AAK1: variants seen among roughly 807,000 people sequenced by gnomAD.
The protein encoded by AAK1 is AP2 associated kinase 1, also known as AP2-associated protein kinase 1.
In AAK1, 37 loss-of-function variants were observed where a neutral mutation model predicts 116.0. That is an observed-to-expected ratio of 0.32 (90% CI 0.25 to 0.42). AAK1 has a LOEUF of 0.42. Among genes scored for constraint, AAK1 ranks in the 10% least tolerant of loss-of-function variants. The pLI is 1.00. For missense variants in AAK1, 919 were observed against 1,170.6 expected (o/e 0.79, Z 3.14); for synonymous variants, 458 against 439.9 (o/e 1.04, Z -0.51).
At chr2:69,605,836 G>C (rs898029481) in intron 2 of AAK1, among the ~76,000 whole-genome samples, 2 of 151,854 alleles carry the variant, frequency 1.3e-5, no homozygotes, top group Admixed American at 6.6e-5. Context: ...CTAATTCCTG[G>C]TAACCACTAA....
chr2:69,538,278 A>G (rs1670560909), intron 5 of AAK1, among the ~76,000 whole-genome samples: 1 of 152,208 alleles, frequency 6.6e-6, no homozygotes, highest in African/African-American at 2.4e-5. Context: ...ACCTCACTCT[A>G]GCCTTTCATT....
At chr2:69,551,274 A>C (rs142671669) in intron 3 of AAK1, among the ~76,000 whole-genome samples, 241 of 152,274 alleles carry the variant, frequency 1.6e-3, no homozygotes, top group African/African-American at 5.6e-3. Flanking sequence ...ATCAGGAAGA[A>C]TAGCTAATGG....
At chr2:69,545,665 C>A (rs1670893527) in intron 3 of AAK1, among the ~76,000 whole-genome samples, 1 of 152,180 alleles carries the variant, frequency 6.6e-6, no homozygotes, top group South Asian at 2.1e-4. Context: ...AAAGTTAAAA[C>A]TCATTAGAGT....
intron 20 of AAK1, among the ~76,000 whole-genome samples, chr2:69,477,522 G>A (rs1433448376): frequency 2.0e-5 from 3 of 150,784 alleles, no homozygotes; most frequent in Non-Finnish European, 4.5e-5. Flanking sequence ...AGAAGCCTCA[G>A]GGAACGCTGA....
Position 69,489,215 on chromosome 2 carries a change from C to T in AAK1, c.2366-6403G>A, listed in dbSNP as rs570430827. 2.0e-3 allele frequency among the ~76,000 whole-genome samples: 301 copies of T among 151,604 alleles called. 1 individual carries two copies. Among genetic ancestry groups the T allele is most frequent in the Middle Eastern group, 3.4e-3 (1 of 294 alleles). On this transcript the variant is annotated intron_variant, in intron 17 of 21. Transcript: ENST00000409085. Reference sequence around the variant, plus strand: ...CCTGTAATCCCAGCACTTTGGGAAGCTGAGGCGGGTGGATCACCTGAGGTC... The same window carrying T: ...CCTGTAATCCCAGCACTTTGGGAAGTTGAGGCGGGTGGATCACCTGAGGTC...
At chr2:69,512,796 G>A (rs1676441102) in intron 13 of AAK1, among the ~76,000 whole-genome samples, 1 of 152,232 alleles carries the variant, frequency 6.6e-6, no homozygotes, top group Non-Finnish European at 1.5e-5. Context: ...TCATTCCCAA[G>A]GGAGTAGACA....
At chr2:69,601,231 C>A (rs1673564827) in intron 2 of AAK1, among the ~76,000 whole-genome samples, 1 of 152,176 alleles carries the variant, frequency 6.6e-6, no homozygotes, top group African/African-American at 2.4e-5. Flanking sequence ...TTTAATATTT[C>A]TTCATATGAC....
intron 2 of AAK1, among the ~76,000 whole-genome samples, chr2:69,602,670 A>G (rs1405829863): frequency 6.6e-6 from 1 of 152,208 alleles, no homozygotes; most frequent in East Asian, 1.9e-4. Flanking sequence ...GCTCCTGACC[A>G]CAGAGACTCA....
chr2:69,625,303 G>A (rs1281633810), intron 2 of AAK1, among the ~76,000 whole-genome samples: 3 of 152,164 alleles, frequency 2.0e-5, no homozygotes, highest in Non-Finnish European at 4.4e-5. Context: ...AAGAAGGACA[G>A]CTAACAGTCT....
At position 69,472,792 on chromosome 2, in the gene AAK1, G is replaced by T; in HGVS notation, c.*3077C>A. 1.0e-6 allele frequency: 1 copy of T among 981,562 alleles called. No homozygotes were observed. The allele number at this position is 981,562 out of a possible 1,614,324, so 60.8% of individuals were successfully genotyped here. ...AGATGCCTGATTATACATTTAAAAA[G>T]AAATCTTCTGATACCATTTTATTAG... is the stretch of plus-strand genomic sequence containing the variant. On this transcript the variant is annotated 3_prime_UTR_variant, in exon 22 of 22. Coordinates refer to ENST00000409085, the MANE Select transcript of AAK1 (RefSeq NM_014911.5).
At chr2:69,634,857 G>A (rs1012893056) in intron 2 of AAK1, among the ~76,000 whole-genome samples, 4 of 151,896 alleles carry the variant, frequency 2.6e-5, no homozygotes, top group African/African-American at 9.7e-5. Context: ...AATATTTTTG[G>A]TCTTTTTTTG....
In AAK1 at chr2:69,471,816, C is replaced by T. The variant is rs1375616736; in HGVS notation, c.*4053G>A. ...CAGCACTGCTGAAGGCAGAACTGTT[C>T]CTAACCTGGGGAAGGTTATATTGGT... On this transcript the variant is annotated 3_prime_UTR_variant, in exon 22 of 22. Transcript: ENST00000409085. 1 of 985,318 alleles carries T rather than the reference C, an allele frequency of 1.0e-6. No individual in the cohort carries two copies. Among genetic ancestry groups the T allele is most frequent in the Non-Finnish European group, 1.2e-6 (1 of 829,950 alleles). The allele number at this position is 985,318 out of a possible 1,614,324, so 61.0% of individuals were successfully genotyped here. A position where few individuals can be genotyped will look rare whatever the true frequency, so the allele number is the denominator to read the frequency against.
At chr2:69,564,818 G>A (rs988114402) in intron 2 of AAK1, among the ~76,000 whole-genome samples, 1 of 152,120 alleles carries the variant, frequency 6.6e-6, no homozygotes, top group African/African-American at 2.4e-5. Flanking sequence ...AATCAGGACT[G>A]TGCACCAACT....
intron 2 of AAK1, among the ~76,000 whole-genome samples, chr2:69,604,628 A>T (rs1673718788): frequency 6.6e-6 from 1 of 152,196 alleles, no homozygotes; most frequent in Non-Finnish European, 1.5e-5. Flanking sequence ...GGGATTTCAC[A>T]GGATGGAGAA....
rs181246922 is a variant in AAK1, at chr2:69,483,742, T to C, written c.2366-930A>G. On this transcript the variant is annotated intron_variant, in intron 17 of 21. Coordinates refer to ENST00000409085, the MANE Select transcript of AAK1 (RefSeq NM_014911.5). Reference sequence around the variant, plus strand: ...ACATGCTGGCAGTCATATTATTCTATGGTCAAATATCACAAAATTCACTTA... The same window carrying C: ...ACATGCTGGCAGTCATATTATTCTACGGTCAAATATCACAAAATTCACTTA... Among the ~76,000 whole-genome samples, 725 of 152,292 alleles carry C rather than the reference T, an allele frequency of 4.8e-3. 10 individuals are homozygous for C. The highest frequency in any genetic ancestry group is 0.012 in the Admixed American group (187 of 15,294).
chr2:69,513,187 A>C (rs549464869), intron 13 of AAK1, among the ~76,000 whole-genome samples: 1 of 152,342 alleles, frequency 6.6e-6, no homozygotes, highest in Non-Finnish European at 1.5e-5. Context: ...ACGAAGGTGT[A>C]AAGACACTAA....
At position 69,473,586 on chromosome 2, in the gene AAK1, G is replaced by A. The variant is rs932575241; in HGVS notation, c.*2283C>T. ...AACTGCCTCCATTAAGCTTTACTGA[G>A]CCAAATGACTAGATAATATATTTCA... On this transcript the variant is annotated 3_prime_UTR_variant, in exon 22 of 22. Coordinates refer to ENST00000409085, the MANE Select transcript of AAK1 (RefSeq NM_014911.5). 1 of 985,104 alleles carries A rather than the reference G, an allele frequency of 1.0e-6. No individual in the cohort carries two copies. The highest frequency in any genetic ancestry group is 1.7e-5 in the African/African-American group (1 of 57,144). 61.0% of individuals were successfully genotyped at this position (985,104 alleles called of 1,614,324 possible). A position where few individuals can be genotyped will look rare whatever the true frequency, so the allele number is the denominator to read the frequency against.
At chr2:69,612,449 G>A (rs948001052) in intron 2 of AAK1, among the ~76,000 whole-genome samples, 2 of 152,182 alleles carry the variant, frequency 1.3e-5, no homozygotes, top group African/African-American at 2.4e-5. Context: ...ACAGGCACTT[G>A]CTACATAAGC....
chr2:69,563,193 C>T (rs906325935), intron 2 of AAK1, among the ~76,000 whole-genome samples: 1 of 152,140 alleles, frequency 6.6e-6, no homozygotes, highest in Non-Finnish European at 1.5e-5. Context: ...TATTCAAACA[C>T]TGAATCATGG....
Sources: allele counts gnomAD v4.1 joint callset (sites outside exome capture counted in the v4.1 genomes callset), GRCh38; gene constraint gnomAD v4.1.1; transcripts MANE v1.5; gene names NCBI Gene and HGNC (gene_info 2026-07-23, HGNC 2026-07-21).